FBXW11: variants seen among roughly 807,000 people sequenced by gnomAD.
FBXW11 encodes the protein F-box and WD repeat domain containing 11.
In FBXW11, 19 loss-of-function variants were observed where a neutral mutation model predicts 77.6. The observed-to-expected ratio is 0.24, with a 90% CI of 0.17 to 0.36. The LOEUF (loss-of-function observed/expected upper bound fraction) is 0.36. Among genes scored for constraint, FBXW11 ranks in the 10% least tolerant of loss-of-function variants. FBXW11 has a pLI of 1.00. For synonymous variants in FBXW11, 235 were observed against 249.4 expected, an observed-to-expected ratio of 0.94 and a Z score of 0.54; for missense variants, 334 against 704.2, an observed-to-expected ratio of 0.47 and a Z score of 5.95.
At chr5:171,965,283 T>C (rs1764123418) in intron 1 of FBXW11, among the ~76,000 whole-genome samples, 1 of 152,160 alleles carries the variant, frequency 6.6e-6, no homozygotes, top group African/African-American at 2.4e-5. Flanking sequence ...CCCAGCACTG[T>C]GGGAGGCCAA....
At position 171,914,331 on chromosome 5, in the gene FBXW11, C is replaced by T. The variant is rs768454937; in HGVS notation, c.210+12G>A. The T allele has an allele frequency of 8.8e-6, 14 of 1,598,974 alleles. No individual in the cohort carries two copies. The highest frequency in any genetic ancestry group is 6.9e-5 in the Admixed American group (4 of 57,778). On this transcript the variant is annotated intron_variant, in intron 3 of 13. Coordinates refer to ENST00000517395, the MANE Select transcript of FBXW11 (RefSeq NM_001378974.1). ...GTCAGTTGCTATCTAATCTGTGCGC[C>T]GTCATTCCTACCTGCCAAAGAGTAT...
intron 2 of FBXW11, among the ~76,000 whole-genome samples, chr5:171,935,629 G>T (rs965271278): frequency 1.3e-5 from 2 of 151,892 alleles, no homozygotes; most frequent in Non-Finnish European, 2.9e-5. Flanking sequence ...CCTTTAAAGA[G>T]AAAGAGCATT....
intron 7 of FBXW11, among the ~76,000 whole-genome samples, chr5:171,884,879 G>A (rs1002395801): frequency 1.3e-5 from 2 of 152,110 alleles, no homozygotes; most frequent in African/African-American, 2.4e-5. Context: ...TTCTCCTCCT[G>A]GTCACTGTTG....
At position 171,876,339 on chromosome 5, in the gene FBXW11, T is replaced by C; in HGVS notation, c.1167A>G (p.Val389=). 1.2e-6 allele frequency: 2 copies of C among 1,614,212 alleles called. No individual in the cohort carries two copies. The highest frequency in any genetic ancestry group is 1.1e-5 in the South Asian group (1 of 91,084). Residue 389 remains valine, a synonymous_variant, in exon 9 of 14, where the codon GTA becomes GTG. Transcript: ENST00000517395. This position sits in a 1 kb window ranked among gnomAD's most constrained non-coding sequence, Gnocchi z 4.2. ...VLVGHRAAVN[V]VDFDDKYIVS... ...CGATGTACTTGTCGTCAAAGTCTAC[T>C]ACATTGACGGCAGCCCGGTGGCCAA...
intron 4 of FBXW11, among the ~76,000 whole-genome samples, chr5:171,909,351 AT>A (rs1255714213): frequency 1.3e-5 from 2 of 152,246 alleles, no homozygotes; most frequent in Non-Finnish European, 2.9e-5. Flanking sequence ...TCAAAGGGAA[AT>A]AAATAGGTGG....
At chr5:171,889,094 T>C (rs1759121008) in intron 7 of FBXW11, among the ~76,000 whole-genome samples, 2 of 152,016 alleles carry the variant, frequency 1.3e-5, no homozygotes, top group Admixed American at 6.6e-5. Flanking sequence ...TTTGAAAAAA[T>C]AATGGCTGAA....
intron 1 of FBXW11, among the ~76,000 whole-genome samples, chr5:171,973,829 A>C (rs898533665): frequency 6.6e-6 from 1 of 152,192 alleles, no homozygotes; most frequent in Non-Finnish European, 1.5e-5. Context: ...TGTAAATCTA[A>C]AACTGTTCTA....
At chr5:171,923,907 A>AC (rs1761736533) in intron 2 of FBXW11, among the ~76,000 whole-genome samples, 2 of 93,418 alleles carry the variant, frequency 2.1e-5, no homozygotes, top group Admixed American at 1.2e-4. Context: ...GTGAAACCCC[A>AC]CCTTTTTTTT....
At chr5:171,946,081 A>C (rs929703145) in intron 2 of FBXW11, among the ~76,000 whole-genome samples, 1 of 152,208 alleles carries the variant, frequency 6.6e-6, no homozygotes, top group African/African-American at 2.4e-5. Context: ...AGCCTCATCC[A>C]GTCAATTGAA....
At chr5:171,936,549 A>G (rs868101189) in intron 2 of FBXW11, among the ~76,000 whole-genome samples, 71 of 151,894 alleles carry the variant, frequency 4.7e-4, no homozygotes, top group African/African-American at 1.6e-3. Flanking sequence ...ATTATAATTA[A>G]AACTAACAAA....
chr5:171,915,650 T>TGTGTGTGTGTGTGTGTGTGTGAGA (rs982596459), intron 2 of FBXW11, among the ~76,000 whole-genome samples: 4 of 151,214 alleles, frequency 2.6e-5, no homozygotes, highest in Admixed American at 6.6e-5. Flanking sequence ...TGTGTGTGTG[T>TGTGTGTGTGTGTGTGTGTGTGAGA]GAGCCTGAGC....
chr5:171,896,269 A>G (rs1251886600), intron 6 of FBXW11, among the ~76,000 whole-genome samples: 1 of 152,186 alleles, frequency 6.6e-6, no homozygotes, highest in East Asian at 1.9e-4. Context: ...GCAACCTTGC[A>G]AAGTCTAAGG....
At chr5:171,970,400 C>T (rs1581049123) in intron 1 of FBXW11, among the ~76,000 whole-genome samples, 1 of 152,156 alleles carries the variant, frequency 6.6e-6, no homozygotes, top group Admixed American at 6.5e-5. Flanking sequence ...CTGAGGCCTC[C>T]CAGCCATGCA....
chr5:171,949,853 A>G (rs755986951), intron 2 of FBXW11, among the ~76,000 whole-genome samples: 2 of 152,184 alleles, frequency 1.3e-5, no homozygotes, highest in Non-Finnish European at 2.9e-5. Context: ...CATCTAGAGT[A>G]TGAAAAGGGA....
intron 2 of FBXW11, among the ~76,000 whole-genome samples, chr5:171,940,362 T>A (rs1762685508): frequency 6.6e-6 from 1 of 152,064 alleles, no homozygotes; most frequent in African/African-American, 2.4e-5. Flanking sequence ...AGACAAAAAA[T>A]TATACATACA....
intron 4 of FBXW11, among the ~76,000 whole-genome samples, chr5:171,906,095 T>A (rs1469060742): frequency 1.3e-5 from 2 of 152,222 alleles, no homozygotes; most frequent in Admixed American, 6.5e-5. Context: ...AACTCAAATG[T>A]CAATTAAATG....
chr5:171,868,498 G>A (rs140026820), intron 13 of FBXW11, 112 bp downstream of exon 13: 17 of 836,138 alleles, frequency 2.0e-5, no homozygotes, highest in Admixed American at 9.5e-5. Context: ...AAGTTGACAC[G>A]TCTAAGAGAG....
At chr5:171,873,945 A>C (rs931036456) in intron 9 of FBXW11, among the ~76,000 whole-genome samples, 2 of 152,196 alleles carry the variant, frequency 1.3e-5, no homozygotes, top group Admixed American at 1.3e-4. Context: ...TCATACCTTA[A>C]ACAAAAATTT....
intron 2 of FBXW11, among the ~76,000 whole-genome samples, chr5:171,953,228 T>G (rs1043788841): frequency 1.3e-4 from 20 of 152,164 alleles, no homozygotes; most frequent in Non-Finnish European, 1.5e-5. Context: ...ACTCCTGCCC[T>G]CAAGCAATCC....
Sources: gnomAD v4.1 joint callset for allele counts (sites outside exome capture counted in the v4.1 genomes callset) on GRCh38, gnomAD v4.1.1 for gene constraint, Gnocchi (gnomAD v3.1) non-coding constraint, MANE v1.5 for transcripts, NCBI Gene and HGNC (gene_info 2026-07-23, HGNC 2026-07-21) for gene names.